COL28A1: variants seen among roughly 807,000 people sequenced by gnomAD.
COL28A1 encodes the protein collagen type XXVIII alpha 1 chain, also known as collagen alpha-1(XXVIII) chain.
In COL28A1, 161 loss-of-function variants were observed where a neutral mutation model predicts 150.2. The observed-to-expected ratio is 1.07, with a 90% CI of 0.94 to 1.22. The LOEUF is 1.22. COL28A1 is among the 50% of genes most tolerant of loss of function. COL28A1 has a pLI of 0.00. For missense variants in COL28A1, 1,617 were observed against 1,388.3 expected (o/e 1.16, Z -2.62); for synonymous variants, 552 against 469.7 (o/e 1.18, Z -2.26).
intron 33 of COL28A1, among the ~76,000 whole-genome samples, chr7:7,361,854 A>AAC (rs369249380): frequency 0.39 from 10,041 of 25,568 alleles, 1,164 homozygotes; most frequent in African/African-American, 0.48. Flanking sequence ...ATGCAGCCAT[A>AAC]AAAACATGAG....
At chr7:7,389,670 C>T (rs956180096) in intron 27 of COL28A1, among the ~76,000 whole-genome samples, 1 of 152,140 alleles carries the variant, frequency 6.6e-6, no homozygotes, top group Non-Finnish European at 1.5e-5. Context: ...TCTCTTATTT[C>T]CTTGAGCAGT....
intron 2 of COL28A1, among the ~76,000 whole-genome samples, chr7:7,532,373 C>A: frequency 6.6e-6 from 1 of 151,780 alleles, no homozygotes; most frequent in Non-Finnish European, 1.5e-5. Flanking sequence ...GAGAAGAAAC[C>A]TAACTTAAAC....
intron 11 of COL28A1, among the ~76,000 whole-genome samples, chr7:7,493,384 G>T (rs1780032602): frequency 6.6e-6 from 1 of 152,076 alleles, no homozygotes; most frequent in South Asian, 2.1e-4. Context: ...TATGGATCAG[G>T]AGAATCAAGA....
intron 7 of COL28A1, 132 bp from the exon 8 acceptor site, chr7:7,515,972 T>G (rs1281312775): frequency 3.4e-6 from 2 of 580,048 alleles, no homozygotes; most frequent in Admixed American, 6.4e-5. Context: ...ATCATAGAAA[T>G]GTAAACTGTT....
chr7:7,446,987 T>TA (rs1366671186), intron 18 of COL28A1, among the ~76,000 whole-genome samples: 1 of 152,076 alleles, frequency 6.6e-6, no homozygotes, highest in African/African-American at 2.4e-5. Flanking sequence ...ACAACCAACT[T>TA]AAAGGATTAG....
intron 9 of COL28A1, among the ~76,000 whole-genome samples, chr7:7,510,383 C>T (rs1035906335): frequency 6.6e-6 from 1 of 152,130 alleles, no homozygotes; most frequent in Non-Finnish European, 1.5e-5. Flanking sequence ...CTCCTGGGTT[C>T]AAGCAATTTT....
Position 7,489,416 on chromosome 7 carries a change from G to C in COL28A1, c.1137C>G (p.Pro379=), listed in dbSNP as rs763166910. The change falls in exon 13 of 35, where the codon CCC becomes CCG. Residue 379 remains proline, a synonymous_variant. Transcript: ENST00000399429. ...GQEGRPGAPG[P]IGVGEPGQPG... ...GCTGTCCAGGCTCACCAACTCCAAT[G>C]GGTCCTGGAGCTCCCGGTCTTCCTT... 1 of 1,464,698 alleles carries C rather than the reference G, an allele frequency of 6.8e-7. No homozygotes were observed. The highest frequency in any genetic ancestry group is 1.1e-5 in the South Asian group (1 of 88,136). The allele number at this position is 1,464,698 out of a possible 1,614,324, so 90.7% of individuals were successfully genotyped here.
In COL28A1 at chr7:7,360,423, G is replaced by T. The variant is rs777961009; in HGVS notation, c.3172C>A (p.Pro1058Thr). 44 of 1,607,374 alleles carry T rather than the reference G, an allele frequency of 2.7e-5. 1 individual carries two copies. Among genetic ancestry groups the T allele is most frequent in the Middle Eastern group, 3.3e-4 (2 of 6,024 alleles). ...TSSEATTTPRPLLSTPVDGAE... is the reference protein window; with the variant it reads ...TSSEATTTPRTLLSTPVDGAE... ...CCATCCACAGGGGTGCTGAGCAGTGGCCTGGGGGTGGTGGTGGCCTCAGAT... is the reference window on the plus strand; with the variant it reads ...CCATCCACAGGGGTGCTGAGCAGTGTCCTGGGGGTGGTGGTGGCCTCAGAT... The change falls in exon 34 of 35, where the codon CCA (proline) becomes ACA (threonine). Residue 1058 changes from proline (P) to threonine (T), a missense_variant. Transcript: ENST00000399429.
At chr7:7,389,070 C>T (rs1439333613) in intron 27 of COL28A1, among the ~76,000 whole-genome samples, 1 of 152,036 alleles carries the variant, frequency 6.6e-6, no homozygotes, top group African/African-American at 2.4e-5. Flanking sequence ...AGCCTTTGCC[C>T]ATGCCTATGT....
intron 11 of COL28A1, among the ~76,000 whole-genome samples, chr7:7,491,941 T>C (rs1401641285): frequency 1.3e-5 from 2 of 152,262 alleles, no homozygotes; most frequent in Non-Finnish European, 2.9e-5. Context: ...TAACTATTAA[T>C]ACTATAAAAT....
Position 7,417,934 on chromosome 7 carries a change from G to T in COL28A1, c.2068-7C>A, listed in dbSNP as rs1402573401. ...CTTTCTGCCCAGTATCACCCTGTTA[G>T]AAGATGGGGAGAATTTGAAGACAAA... On this transcript the variant is annotated splice_polypyrimidine_tract_variant and splice_region_variant and intron_variant, in intron 26 of 34. Transcript: ENST00000399429. 1.2e-6 allele frequency: 2 copies of T among 1,602,232 alleles called. No individual in the cohort carries two copies. The highest frequency in any genetic ancestry group is 2.2e-5 in the South Asian group (2 of 88,906).
At chr7:7,433,345 C>A (rs1193571990) in intron 23 of COL28A1, among the ~76,000 whole-genome samples, 1 of 151,952 alleles carries the variant, frequency 6.6e-6, no homozygotes, top group Non-Finnish European at 1.5e-5. Context: ...TAGAAGATTA[C>A]CTACAAGTGG....
chr7:7,513,363 A>C (rs530150305), intron 8 of COL28A1, among the ~76,000 whole-genome samples: 1 of 152,362 alleles, frequency 6.6e-6, no homozygotes, highest in East Asian at 1.9e-4. Flanking sequence ...TGAACAAGGC[A>C]CACTATCATA....
At chr7:7,504,079 G>C (rs1780676010) in intron 11 of COL28A1, among the ~76,000 whole-genome samples, 1 of 152,140 alleles carries the variant, frequency 6.6e-6, no homozygotes, top group Non-Finnish European at 1.5e-5. Flanking sequence ...TATTATGTCA[G>C]AAAAATTATA....
rs191992497 is a variant in COL28A1, at chr7:7,359,789, G to A, written c.3205+601C>T. Among the ~76,000 whole-genome samples, 64 of 152,136 alleles carry A rather than the reference G, an allele frequency of 4.2e-4. 1 individual carries two copies. Among genetic ancestry groups the A allele is most frequent in the African/African-American group, 1.4e-3 (60 of 41,510 alleles). ...CTATGAAGACTCCCTAGACCAAATG[G>A]AAATGAGCCATAGATTTCTACTACC... On this transcript the variant is annotated intron_variant, in intron 34 of 34. Transcript: ENST00000399429.
At chr7:7,368,509 AT>A (rs1185331675) in intron 33 of COL28A1, among the ~76,000 whole-genome samples, 1 of 152,070 alleles carries the variant, frequency 6.6e-6, no homozygotes, top group Non-Finnish European at 1.5e-5. Context: ...AATGAACTAA[AT>A]GTTTATGTCC....
At chr7:7,525,652 A>C (rs1416939945) in intron 3 of COL28A1, among the ~76,000 whole-genome samples, 1 of 152,240 alleles carries the variant, frequency 6.6e-6, no homozygotes, top group Non-Finnish European at 1.5e-5. Context: ...AGGATGCTGC[A>C]TCCCTTTAGT....
chr7:7,412,885 T>G (rs569882568), intron 27 of COL28A1, among the ~76,000 whole-genome samples: 2 of 152,238 alleles, frequency 1.3e-5, no homozygotes, highest in South Asian at 4.1e-4. Flanking sequence ...AGATAAATGA[T>G]TTGTCTAAGG....
intron 13 of COL28A1, among the ~76,000 whole-genome samples, chr7:7,482,390 T>C (rs1193912929): frequency 2.0e-5 from 3 of 152,032 alleles, no homozygotes; most frequent in Admixed American, 2.0e-4. Context: ...CCAGGTCTGG[T>C]GGCTGGAGCC....
Sources: gnomAD v4.1 joint callset for allele counts (sites outside exome capture counted in the v4.1 genomes callset) on GRCh38, gnomAD v4.1.1 for gene constraint, MANE v1.5 for transcripts, NCBI Gene and HGNC (gene_info 2026-07-23, HGNC 2026-07-21) for gene names.